The following CMIP variants were observed in gnomAD, a reference collection of about 807,000 sequenced individuals.
CMIP encodes the protein c-Maf inducing protein.
Under a neutral mutation model 97.3 loss-of-function variants are expected in CMIP, and 13 were observed. The ratio of observed to expected loss-of-function variants is 0.13; its 90% CI spans 0.09 to 0.21. The LOEUF (loss-of-function observed/expected upper bound fraction) is 0.21. Ranked by LOEUF, CMIP falls within the 10% of genes least tolerant of loss-of-function variation. The pLI is 1.00. For missense variants in CMIP, 847 were observed against 1,024.9 expected (o/e 0.83, Z 2.37); for synonymous variants, 538 against 436.3 (o/e 1.23, Z -2.91).
At position 81,627,958 on chromosome 16, in the gene CMIP, T is replaced by A. The variant is rs2092097378; in HGVS notation, c.477+7032T>A. Among the ~76,000 whole-genome samples the A allele has an allele frequency of 6.6e-6, 1 of 152,000 alleles. No individual in the cohort carries two copies. Among genetic ancestry groups the A allele is most frequent in the Non-Finnish European group, 1.5e-5 (1 of 67,958 alleles). ...CGGGAAGCTGAGGGCAGGGCCTGGG[T>A]CATGTCCCCACTGGCTGCACCCTCA... On this transcript the variant is annotated intron_variant, in intron 3 of 20. Transcript: ENST00000537098. This position sits in a 1 kb window ranked among gnomAD's most constrained non-coding sequence, Gnocchi z 4.6.
At chr16:81,578,135 TCATCAC>T (rs1254171922) in intron 1 of CMIP, among the ~76,000 whole-genome samples, 4 of 151,662 alleles carry the variant, frequency 2.6e-5, no homozygotes, top group Non-Finnish European at 4.4e-5. Context: ...ACCATCACCA[TCATCAC>T]CATCACCACC....
At position 81,622,429 on chromosome 16, in the gene CMIP, C is replaced by T. The variant is rs557881001; in HGVS notation, c.477+1503C>T. ...GGGTACGAGTGTGTCTGAAGACAGG[C>T]GGGACATTCGTCAGCACCTACTGGG... On this transcript the variant is annotated intron_variant, in intron 3 of 20. Coordinates refer to ENST00000537098, the MANE Select transcript of CMIP (RefSeq NM_198390.3). 5.9e-5 allele frequency among the ~76,000 whole-genome samples: 9 copies of T among 152,162 alleles called. No homozygotes were observed. The South Asian group carries it at 1.7e-3, about 28-fold the overall frequency.
intron 1 of CMIP, among the ~76,000 whole-genome samples, chr16:81,524,224 A>T (rs1436986653): frequency 1.3e-5 from 2 of 152,188 alleles, no homozygotes; most frequent in East Asian, 3.9e-4. Flanking sequence ...ACAGAGCTGG[A>T]TTCTCTCAAT....
intron 9 of CMIP, among the ~76,000 whole-genome samples, chr16:81,672,656 G>C (rs2092693441): frequency 6.6e-6 from 1 of 152,144 alleles, no homozygotes; most frequent in South Asian, 2.1e-4. Context: ...GCTCACTGCA[G>C]CCTCAAACTC....
chr16:81,681,911 G>A (rs892638268), intron 10 of CMIP, among the ~76,000 whole-genome samples: 1 of 152,186 alleles, frequency 6.6e-6, no homozygotes, highest in Admixed American at 6.5e-5. Flanking sequence ...CTTGATAAGA[G>A]TAAACTGCTG....
At chr16:81,460,616 A>G (rs562860123) in intron 1 of CMIP, among the ~76,000 whole-genome samples, 38 of 152,056 alleles carry the variant, frequency 2.5e-4, no homozygotes, top group Non-Finnish European at 5.0e-4. Flanking sequence ...ATGCCTTAAT[A>G]TATTGTCCTT....
Position 81,667,766 on chromosome 16 carries a change from A to AAGAG in CMIP, c.826-2345_826-2342dup, listed in dbSNP as rs59388984. On this transcript the variant is annotated intron_variant, in intron 7 of 20. Coordinates refer to ENST00000537098, the MANE Select transcript of CMIP (RefSeq NM_198390.3). ...CAGGAGGGAGGGAGGGAGGGAGAGA[A>AAGAG]AGAGAGAGAGAGAGAGAGAGAGAGA... Among the ~76,000 whole-genome samples the AAGAG allele has an allele frequency of 4.1e-3, 352 of 85,158 alleles. 2 individuals are homozygous for AAGAG. Among genetic ancestry groups the AAGAG allele is most frequent in the African/African-American group, 0.012 (249 of 20,588 alleles). The allele number at this position is 85,158 out of a possible 152,430, so 55.9% of individuals were successfully genotyped here. A position where few individuals can be genotyped will look rare whatever the true frequency, so the allele number is the denominator to read the frequency against.
intron 1 of CMIP, among the ~76,000 whole-genome samples, chr16:81,575,064 G>A (rs4632124): frequency 0.6 from 91,926 of 152,042 alleles, 27,967 homozygotes; most frequent in African/African-American, 0.64. Context: ...ACCTGCTCAA[G>A]GAGAGTTGCC....
At chr16:81,554,231 T>C (rs190540127) in intron 1 of CMIP, among the ~76,000 whole-genome samples, 2 of 152,358 alleles carry the variant, frequency 1.3e-5, no homozygotes, top group Admixed American at 6.5e-5. Context: ...TATCTCTGAA[T>C]TAACAAATGC....
intron 1 of CMIP, among the ~76,000 whole-genome samples, chr16:81,599,260 G>A (rs1465037403): frequency 2.0e-5 from 3 of 152,098 alleles, no homozygotes; most frequent in South Asian, 4.2e-4. Context: ...ATTACCTGAG[G>A]GAAACCAGGG....
chr16:81,670,316 A>G, intron 8 of CMIP, 71 bp downstream of exon 8: 3 of 1,471,228 alleles, frequency 2.0e-6, no homozygotes, highest in Non-Finnish European at 2.8e-6. Flanking sequence ...TTACTCAGAT[A>G]TCCACGGGGG....
chr16:81,570,742 C>G (rs548972875), intron 1 of CMIP, among the ~76,000 whole-genome samples: 120 of 152,298 alleles, frequency 7.9e-4, no homozygotes, highest in Admixed American at 1.4e-3. Context: ...TGCTCTGTCT[C>G]TAGCGATCCC....
At chr16:81,521,000 C>T (rs1374293170) in intron 1 of CMIP, among the ~76,000 whole-genome samples, 3 of 152,174 alleles carry the variant, frequency 2.0e-5, no homozygotes, top group Non-Finnish European at 2.9e-5. Context: ...AAAAGGACCC[C>T]CCGCCCCCTG....
chr16:81,597,161 G>A (rs1321194515), intron 1 of CMIP, among the ~76,000 whole-genome samples: 2 of 152,264 alleles, frequency 1.3e-5, no homozygotes, highest in Non-Finnish European at 2.9e-5. Context: ...TGGAGGAAGG[G>A]GATTGCTGGG....
chr16:81,669,141 T>C (rs2092649347), intron 7 of CMIP, among the ~76,000 whole-genome samples: 2 of 81,570 alleles, frequency 2.5e-5, no homozygotes, highest in Non-Finnish European at 4.9e-5. Context: ...CACACCCACT[T>C]CATACCTCCT....
chr16:81,510,952 T>G (rs9932610), intron 1 of CMIP, among the ~76,000 whole-genome samples: 2,673 of 152,326 alleles, frequency 0.018, 73 homozygotes, highest in African/African-American at 0.061. Flanking sequence ...ACTCCTGACC[T>G]CAGGTGATCC....
intron 20 of CMIP, among the ~76,000 whole-genome samples, chr16:81,708,183 C>T (rs1273513064): frequency 1.3e-5 from 2 of 152,204 alleles, no homozygotes; most frequent in Non-Finnish European, 2.9e-5. Flanking sequence ...CGGTAGAGAG[C>T]GAGGTCCAAG....
chr16:81,580,573 A>G (rs1042080302), intron 1 of CMIP, among the ~76,000 whole-genome samples: 1 of 151,806 alleles, frequency 6.6e-6, no homozygotes, highest in Non-Finnish European at 1.5e-5. Flanking sequence ...AGCTGGGACT[A>G]TATAGATGCC....
At chr16:81,702,595 T>C (rs541383017) in intron 16 of CMIP, 27 bp from the exon 17 acceptor site, 1 of 1,609,870 alleles carries the variant, frequency 6.2e-7, no homozygotes, top group African/African-American at 1.3e-5. Flanking sequence ...AAAAGAATGG[T>C]TGTAACCAGC....
Sources: allele counts gnomAD v4.1 joint callset (sites outside exome capture counted in the v4.1 genomes callset), GRCh38; gene constraint gnomAD v4.1.1; non-coding constraint Gnocchi (gnomAD v3.1); transcripts MANE v1.5; gene names NCBI Gene and HGNC (gene_info 2026-07-23, HGNC 2026-07-21).